TTC34: variants seen among roughly 807,000 people sequenced by gnomAD.
The protein encoded by TTC34 is tetratricopeptide repeat protein 34.
Under a neutral mutation model 40.7 loss-of-function variants are expected in TTC34, and 44 were observed. That is an observed-to-expected ratio of 1.08 (90% CI 0.85 to 1.39). The LOEUF is 1.39. Ranked by LOEUF, TTC34 falls within the 40% of genes most tolerant of loss-of-function variation. The pLI is 0.00. For synonymous variants in TTC34, 422 were observed against 398.6 expected (o/e 1.06, Z -0.70); for missense variants, 884 against 838.0 (o/e 1.05, Z -0.68).
chr1:2,652,525 C>CCCCAGGTGAGCA, intron 6 of TTC34, among the ~76,000 whole-genome samples: 1 of 4,158 alleles, frequency 2.4e-4, no homozygotes, highest in Non-Finnish European at 6.7e-4. Context: ...GCACCCACAC[C>CCCCAGGTGAGCA]TCCAGGCGAG....
chr1:2,698,608 T>A (rs201376280), intron 6 of TTC34, among the ~76,000 whole-genome samples: 93 of 5,634 alleles, frequency 0.017, 3 homozygotes, highest in Admixed American at 0.023. Flanking sequence ...GCACCCACAC[T>A]CCCAGACGAG....
intron 2 of TTC34, among the ~76,000 whole-genome samples, chr1:2,793,800 C>G (rs1557693728): frequency 6.6e-6 from 1 of 152,134 alleles, no homozygotes; most frequent in Non-Finnish European, 1.5e-5. Flanking sequence ...TTCCTGAAGT[C>G]AATAAACTTC....
chr1:2,786,385 C>T (rs1207003700), intron 4 of TTC34, among the ~76,000 whole-genome samples: 1 of 152,190 alleles, frequency 6.6e-6, no homozygotes, highest in African/African-American at 2.4e-5. Flanking sequence ...CCTTTGGGGG[C>T]GTTTTGTCTC....
In TTC34 at chr1:2,751,531, C is replaced by G. The variant is rs1423591808; in HGVS notation, c.2226+32078G>C. 2.4e-4 allele frequency among the ~76,000 whole-genome samples: 27 copies of G among 111,552 alleles called. 2 individuals carry two copies. The highest frequency in any genetic ancestry group is 9.9e-4 in the African/African-American group (24 of 24,288). 73.2% of individuals were successfully genotyped at this position (111,552 alleles called of 152,430 possible). A position where few individuals can be genotyped will look rare whatever the true frequency, so the allele number is the denominator to read the frequency against. ...AGCCTTGAACAGCACCCTGCACCCC[C>G]AGGTGAGCATCTGACAGCCTGCAAC... is the stretch of plus-strand genomic sequence containing the variant. On this transcript the variant is annotated intron_variant, in intron 6 of 8. Transcript: ENST00000401095.
chr1:2,683,613 T>C (rs61763528), intron 6 of TTC34, among the ~76,000 whole-genome samples: 4 of 33,200 alleles, frequency 1.2e-4, no homozygotes, highest in Non-Finnish European at 3.2e-4. Flanking sequence ...GCATCTGACA[T>C]CCTTCAGCAG....
At chr1:2,757,345 T>C (rs1304217415) in intron 6 of TTC34, among the ~76,000 whole-genome samples, 486 of 3,790 alleles carry the variant, frequency 0.13, 1 homozygote, top group Non-Finnish European at 0.15. Context: ...AGCAGCACCC[T>C]ACACCCCCAG....
At position 2,695,093 on chromosome 1, in the gene TTC34, A is replaced by C. The variant is rs1207337648; in HGVS notation, c.2227-49530T>G. ...ACACACCCCCAGGCGAGCATCTGAC[A>C]ACCTGGAACAGCACCCATACGCCAA... On this transcript the variant is annotated intron_variant, in intron 6 of 8. Coordinates refer to ENST00000401095, the Ensembl canonical transcript of TTC34. 5.1e-5 allele frequency among the ~76,000 whole-genome samples: 6 copies of C among 118,374 alleles called. 1 individual carries two copies. Among genetic ancestry groups the C allele is most frequent in the South Asian group, 2.9e-4 (1 of 3,404 alleles). The allele number at this position is 118,374 out of a possible 152,430, so 77.7% of individuals were successfully genotyped here.
At chr1:2,642,757 G>A (rs540990195) in intron 8 of TTC34, among the ~76,000 whole-genome samples, 59 of 152,328 alleles carry the variant, frequency 3.9e-4, no homozygotes, top group African/African-American at 1.3e-3. Flanking sequence ...CCCGGGGGGC[G>A]CAGCGCACCC....
chr1:2,687,443 C>A (rs1456683251), intron 6 of TTC34, among the ~76,000 whole-genome samples: 3 of 142,962 alleles, frequency 2.1e-5, no homozygotes, highest in Non-Finnish European at 4.5e-5. Context: ...GCAGCACCCA[C>A]AACCACAGGT....
chr1:2,676,987 C>T (rs1358105169), intron 6 of TTC34, among the ~76,000 whole-genome samples: 25 of 110,240 alleles, frequency 2.3e-4, no homozygotes, highest in African/African-American at 6.0e-4. Context: ...GAGCATCCGA[C>T]AGCCTGGAGC....
chr1:2,797,147 A>G (rs532177301), intron 2 of TTC34, among the ~76,000 whole-genome samples: 59 of 152,252 alleles, frequency 3.9e-4, no homozygotes, highest in Non-Finnish European at 7.9e-4. Flanking sequence ...TGCACTCCGT[A>G]TGCCCTTGGC....
At chr1:2,643,485 T>C (rs1482511935) in intron 8 of TTC34, among the ~76,000 whole-genome samples, 2 of 152,084 alleles carry the variant, frequency 1.3e-5, no homozygotes, top group Non-Finnish European at 1.5e-5. Flanking sequence ...CCAGCCAGGC[T>C]TCCCGCCCCC....
At chr1:2,648,503 C>G (rs1639063281) in intron 6 of TTC34, among the ~76,000 whole-genome samples, 1 of 152,134 alleles carries the variant, frequency 6.6e-6, no homozygotes, top group South Asian at 2.1e-4. Context: ...CTCTTTGCTG[C>G]CTGTTGTTTG....
rs560657050 is a variant in TTC34, at chr1:2,780,017, G to A, written c.2226+3592C>T. ...TAATCCCAGCTACTCGGGAGGCTGA[G>A]GCAGGAGAATCGCTTGAACCCCGGA... On this transcript the variant is annotated intron_variant, in intron 6 of 8. Transcript: ENST00000401095. Among the ~76,000 whole-genome samples the A allele has an allele frequency of 2.0e-5, 3 of 152,304 alleles. No homozygotes were observed. The East Asian group carries it at 5.8e-4, about 29-fold the overall frequency.
chr1:2,697,600 C>T (rs1167808965), intron 6 of TTC34, among the ~76,000 whole-genome samples: 1 of 151,028 alleles, frequency 6.6e-6, no homozygotes, highest in East Asian at 2.0e-4. Flanking sequence ...GAAACAGCTC[C>T]CACAACCCCA....
intron 6 of TTC34, among the ~76,000 whole-genome samples, chr1:2,783,296 C>A (rs935344197): frequency 6.6e-6 from 1 of 152,168 alleles, no homozygotes; most frequent in South Asian, 2.1e-4. Flanking sequence ...GGCCAACAAC[C>A]CCAGAGGGAC....
intron 6 of TTC34, among the ~76,000 whole-genome samples, chr1:2,694,850 T>C (rs1469660892): frequency 3.3e-4 from 10 of 30,172 alleles, no homozygotes; most frequent in East Asian, 9.6e-4. Context: ...GAGCATCTGA[T>C]GGTCTGGAGC....
At chr1:2,768,520 C>A (rs1278093569) in intron 6 of TTC34, among the ~76,000 whole-genome samples, 2 of 151,576 alleles carry the variant, frequency 1.3e-5, no homozygotes, top group South Asian at 2.1e-4. Flanking sequence ...TGTCTGACAG[C>A]CTGGAACAGC....
At chr1:2,750,550 G>A (rs1641281860) in intron 6 of TTC34, among the ~76,000 whole-genome samples, 2 of 151,974 alleles carry the variant, frequency 1.3e-5, no homozygotes, top group Non-Finnish European at 2.9e-5. Flanking sequence ...CGACAGCCTG[G>A]GGCAGCACCC....
Sources: gnomAD v4.1 joint callset for allele counts (sites outside exome capture counted in the v4.1 genomes callset) on GRCh38, gnomAD v4.1.1 for gene constraint, MANE v1.5 for transcripts, NCBI Gene and HGNC (gene_info 2026-07-23, HGNC 2026-07-21) for gene names.